The following INPP4A variants were observed in gnomAD, a reference collection of about 807,000 sequenced individuals.
INPP4A encodes the protein inositol polyphosphate-4-phosphatase type I A, also known as inositol polyphosphate-4-phosphatase, type I, 107kD.
Under a neutral mutation model 119.8 loss-of-function variants are expected in INPP4A, and 33 were observed. The ratio of observed to expected loss-of-function variants is 0.28; its 90% CI spans 0.21 to 0.37. INPP4A has a LOEUF of 0.37. Among genes scored for constraint, INPP4A ranks in the 10% least tolerant of loss-of-function variants. The pLI is 1.00. For synonymous variants in INPP4A, 496 were observed against 500.7 expected (o/e 0.99, Z 0.12); for missense variants, 956 against 1,289.9 (o/e 0.74, Z 3.97).
rs186085427 is a variant in INPP4A, at chr2:98,503,127, G to T, written c.-165-15837G>T. On this transcript the variant is annotated intron_variant, in intron 1 of 24. Transcript: ENST00000409851. ...CCAGCTTTGCCAGGTCTGAGCAGGG[G>T]TCTGTCTTTGCTGGTGAGAAGGGAT... is the stretch of plus-strand genomic sequence containing the variant. Among the ~76,000 whole-genome samples the T allele has an allele frequency of 1.1e-4, 17 of 152,266 alleles. No homozygotes were observed. In the East Asian group the frequency reaches 3.3e-3, roughly 29 times the overall value.
At chr2:98,559,104 G>A (rs1215529012) in intron 16 of INPP4A, among the ~76,000 whole-genome samples, 1 of 152,234 alleles carries the variant, frequency 6.6e-6, no homozygotes, top group African/African-American at 2.4e-5. Context: ...AGCCAACGCG[G>A]GGCTCTGCCA....
At chr2:98,562,735 T>C (rs1020730827) in intron 17 of INPP4A, among the ~76,000 whole-genome samples, 19 of 152,206 alleles carry the variant, frequency 1.2e-4, no homozygotes, top group African/African-American at 4.3e-4. Context: ...ACCCAAAATA[T>C]CTTTCACCCT....
chr2:98,520,013 C>T lies in INPP4A; in HGVS notation c.-36C>T. The T allele has an allele frequency of 6.5e-7, 1 of 1,526,940 alleles. No individual in the cohort carries two copies. The highest frequency in any genetic ancestry group is 2.4e-5 in the East Asian group (1 of 41,212). 94.6% of individuals were successfully genotyped at this position (1,526,940 alleles called of 1,614,324 possible). On this transcript the variant is annotated 5_prime_UTR_variant, in exon 3 of 25. Coordinates refer to ENST00000409851, the MANE Select transcript of INPP4A (RefSeq NM_001134225.2). ...TCCCGGGTAATCAGGCGTGGTCTGA[C>T]CGAGGATCAAGAAGCACATCATCAC...
rs566088871 is a variant in INPP4A, at chr2:98,593,949, C to T, written c.*6341C>T. ...AAAACTTCCTCTCCTTCATTGTTGA[C>T]TATGAAGATTCTTTCATGCATGTCC... On this transcript the variant is annotated 3_prime_UTR_variant, in exon 25 of 25. Transcript: ENST00000409851. 6.6e-6 allele frequency: 1 copy of T among 152,348 alleles called. No homozygotes were observed. The highest frequency in any genetic ancestry group is 2.1e-4 in the South Asian group (1 of 4,826). The allele number at this position is 152,348 out of a possible 1,614,324, so 9.4% of individuals were successfully genotyped here. A position where few individuals can be genotyped will look rare whatever the true frequency, so the allele number is the denominator to read the frequency against.
intron 1 of INPP4A, among the ~76,000 whole-genome samples, chr2:98,479,941 C>T (rs1194175012): frequency 4.6e-5 from 7 of 152,208 alleles, no homozygotes; most frequent in African/African-American, 1.4e-4. Flanking sequence ...AAGCCTGAGA[C>T]AGGAAGCTAT....
chr2:98,590,303 T>C lies in INPP4A; in HGVS notation c.*2695T>C, dbSNP rs1700301955. 1 of 193,664 alleles carries C rather than the reference T, an allele frequency of 5.2e-6. No homozygotes were observed. Among genetic ancestry groups the C allele is most frequent in the South Asian group, 1.9e-4 (1 of 5,186 alleles). The allele number at this position is 193,664 out of a possible 1,614,324, so 12.0% of individuals were successfully genotyped here. A position where few individuals can be genotyped will look rare whatever the true frequency, so the allele number is the denominator to read the frequency against. ...GGGACCATGGGAGACTTCCATTTTATAAGCTTGTTTCTGCCTAATTTGAAG... is the reference window on the plus strand; with the variant it reads ...GGGACCATGGGAGACTTCCATTTTACAAGCTTGTTTCTGCCTAATTTGAAG... On this transcript the variant is annotated 3_prime_UTR_variant, in exon 25 of 25. Transcript: ENST00000409851.
chr2:98,487,923 C>T (rs761103487), intron 1 of INPP4A, among the ~76,000 whole-genome samples: 1 of 152,284 alleles, frequency 6.6e-6, no homozygotes, highest in Non-Finnish European at 1.5e-5. Context: ...GCTGGACTTG[C>T]GGAGAATTAC....
chr2:98,484,901 A>C (rs1679237583), intron 1 of INPP4A, among the ~76,000 whole-genome samples: 1 of 151,974 alleles, frequency 6.6e-6, no homozygotes, highest in South Asian at 2.1e-4. Context: ...GCTGCTATTT[A>C]ATCTTTCAAT....
At chr2:98,468,494 C>T (rs780923850) in intron 1 of INPP4A, among the ~76,000 whole-genome samples, 1 of 152,048 alleles carries the variant, frequency 6.6e-6, no homozygotes, top group Non-Finnish European at 1.5e-5. Flanking sequence ...TCACCTTGAC[C>T]TCCCAAAGCG....
At chr2:98,522,148 A>C (rs1349251900) in intron 4 of INPP4A, among the ~76,000 whole-genome samples, 1 of 151,976 alleles carries the variant, frequency 6.6e-6, no homozygotes, top group African/African-American at 2.4e-5. Flanking sequence ...TTAGCCAGGC[A>C]TGATGGTGCG....
At position 98,447,081 on chromosome 2, in the gene INPP4A, C is replaced by G. The variant is rs1042441085; in HGVS notation, c.-166+1996C>G. Among the ~76,000 whole-genome samples, 4 of 152,136 alleles carry G rather than the reference C, an allele frequency of 2.6e-5. No individual in the cohort carries two copies. In the East Asian group the frequency reaches 7.7e-4, roughly 29 times the overall value. On this transcript the variant is annotated intron_variant, in intron 1 of 24. Transcript: ENST00000409851. ...GTGGGACCGACTGCCCCACTGATCC[C>G]CAGCCCAGGGCTTAACATCTCAAGA...
rs199795768 is a variant in INPP4A, at chr2:98,554,295, G to A, written c.1372G>A (p.Asp458Asn). The change falls in exon 15 of 25, where the codon GAC becomes AAC. Residue 458 changes from aspartate (D) to asparagine (N), a missense_variant. Asp to Asn is a conservative substitution (Grantham distance 23, BLOSUM62 1). This residue lies in a region of INPP4A where 652 missense variants were observed against 797.9 expected (regional missense o/e 0.82). Coordinates refer to ENST00000409851, the MANE Select transcript of INPP4A (RefSeq NM_001134225.2). This position sits in a 1 kb window ranked among gnomAD's most constrained non-coding sequence, Gnocchi z 4.7. ...GACACGGCAGCTGGTCACGGTCTGC[G>A]ACTGCAAGCTCCTGGCCAACTCCAT... ...DKTRQLVTVC[D>N]CKLLANSIHG... 1.2e-4 allele frequency: 201 copies of A among 1,609,110 alleles called. 2 individuals carry two copies. The highest frequency in any genetic ancestry group is 8.4e-5 in the Admixed American group (5 of 59,438).
chr2:98,479,819 C>T (rs957733455), intron 1 of INPP4A, among the ~76,000 whole-genome samples: 1 of 152,190 alleles, frequency 6.6e-6, no homozygotes, highest in Non-Finnish European at 1.5e-5. Flanking sequence ...TGTGCCTGGC[C>T]CTGGGCTGTC....
At chr2:98,519,694 C>T (rs1440145402) in intron 2 of INPP4A, 2 of 231,066 alleles carry the variant, frequency 8.7e-6, no homozygotes, top group Non-Finnish European at 1.7e-5. Context: ...AACCATCATT[C>T]ACTGTGGCAT....
intron 1 of INPP4A, among the ~76,000 whole-genome samples, chr2:98,495,092 C>T (rs774240016): frequency 3.3e-5 from 5 of 152,050 alleles, no homozygotes; most frequent in African/African-American, 4.8e-5. Flanking sequence ...AAAAACAAGC[C>T]CTGGGATAGA....
intron 1 of INPP4A, among the ~76,000 whole-genome samples, chr2:98,493,663 C>G (rs1681322386): frequency 6.6e-6 from 1 of 152,066 alleles, no homozygotes; most frequent in Non-Finnish European, 1.5e-5. Flanking sequence ...TCCCAAAGTG[C>G]TGGGATTACA....
intron 1 of INPP4A, among the ~76,000 whole-genome samples, chr2:98,484,098 G>A (rs1574660519): frequency 6.6e-6 from 1 of 151,932 alleles, no homozygotes; most frequent in Admixed American, 6.6e-5. Context: ...CGCTTTGACC[G>A]GTGACTACCA....
At chr2:98,555,269 T>A (rs1224903345) in intron 15 of INPP4A, among the ~76,000 whole-genome samples, 1 of 152,216 alleles carries the variant, frequency 6.6e-6, no homozygotes, top group African/African-American at 2.4e-5. Context: ...CAGTGCCCTG[T>A]GGCCTTTCAG....
At chr2:98,457,565 G>T (rs1055642057) in intron 1 of INPP4A, among the ~76,000 whole-genome samples, 1 of 152,242 alleles carries the variant, frequency 6.6e-6, no homozygotes, top group Non-Finnish European at 1.5e-5. Flanking sequence ...ATGGGAACTA[G>T]CAGCCTGTGA....
Sources: allele counts gnomAD v4.1 joint callset (sites outside exome capture counted in the v4.1 genomes callset), GRCh38; gene constraint gnomAD v4.1.1; regional missense constraint gnomAD v4.1.1; non-coding constraint Gnocchi (gnomAD v3.1); transcripts MANE v1.5; gene names NCBI Gene and HGNC (gene_info 2026-07-23, HGNC 2026-07-21).